The following PSMA8 variants were observed in gnomAD, a reference collection of about 807,000 sequenced individuals.
The protein encoded by PSMA8 is proteasome 20S subunit alpha 8, also known as proteasome subunit alpha-type 8.
A neutral mutation model predicts 32.4 loss-of-function variants in PSMA8; 18 were observed. That is an observed-to-expected ratio of 0.56 (90% confidence interval 0.38 to 0.82). The LOEUF is 0.82. Among genes scored for constraint, PSMA8 ranks in the 40% least tolerant of loss-of-function variants. PSMA8 has a pLI of 0.00. For missense variants in PSMA8, 298 were observed against 300.7 expected, an observed-to-expected ratio of 0.99 and a Z score of 0.07; for synonymous variants, 104 against 98.1, an observed-to-expected ratio of 1.06 and a Z score of -0.36.
chr18:26,154,676 C>A (rs1162002908), intron 3 of PSMA8, among the ~76,000 whole-genome samples: 1 of 152,104 alleles, frequency 6.6e-6, no homozygotes, highest in Admixed American at 6.6e-5. Context: ...TGCAGTGGTG[C>A]AATCTTCTTG....
chr18:26,151,263 G>A (rs2055043149), intron 2 of PSMA8, among the ~76,000 whole-genome samples: 2 of 152,142 alleles, frequency 1.3e-5, no homozygotes, highest in Non-Finnish European at 1.5e-5. Flanking sequence ...AAGAGAGGAG[G>A]GAAAGAAACA....
At chr18:26,149,869 C>T (rs1267763495) in intron 2 of PSMA8, among the ~76,000 whole-genome samples, 2 of 152,094 alleles carry the variant, frequency 1.3e-5, no homozygotes, top group Non-Finnish European at 2.9e-5. Flanking sequence ...GAAATGATTT[C>T]TTGAATATGA....
At chr18:26,157,987 G>A (rs772439381) in intron 3 of PSMA8, 135 bp from the exon 4 acceptor site, 29 of 614,700 alleles carry the variant, frequency 4.7e-5, no homozygotes, top group Non-Finnish European at 7.0e-5. Flanking sequence ...CTCCAGAAAG[G>A]GTTAGGAAAA....
At chr18:26,152,295 AC>A (rs1206933277) in intron 3 of PSMA8, among the ~76,000 whole-genome samples, 1 of 151,952 alleles carries the variant, frequency 6.6e-6, no homozygotes, top group Non-Finnish European at 1.5e-5. Flanking sequence ...CCAGAGAAGT[AC>A]CTTTTTTGTT....
At chr18:26,177,280 A>G (rs879652463) in intron 4 of PSMA8, among the ~76,000 whole-genome samples, 1 of 152,176 alleles carries the variant, frequency 6.6e-6, no homozygotes, top group Admixed American at 6.5e-5. Context: ...TGCTGCTGGC[A>G]TTTAGTTTGT....
chr18:26,188,949 C>T (rs1336963193), intron 6 of PSMA8, among the ~76,000 whole-genome samples: 2 of 152,122 alleles, frequency 1.3e-5, no homozygotes, highest in African/African-American at 4.8e-5. Flanking sequence ...TTGAGTAGTA[C>T]CCTACAAACA....
chr18:26,189,193 ATGTCTTCTTTTCTC>A, intron 6 of PSMA8, among the ~76,000 whole-genome samples: 1 of 152,296 alleles, frequency 6.6e-6, no homozygotes, highest in East Asian at 1.9e-4. Flanking sequence ...TTGAATTTGT[ATGTCTTCTTTTCTC>A]AAAAGAAGAC....
chr18:26,145,475 A>T (rs2054995270), intron 2 of PSMA8, among the ~76,000 whole-genome samples: 2 of 152,028 alleles, frequency 1.3e-5, no homozygotes, highest in African/African-American at 4.8e-5. Context: ...TCATCACCAC[A>T]CTCAAGATAC....
At chr18:26,179,950 A>T (rs1017883373) in intron 6 of PSMA8, among the ~76,000 whole-genome samples, 9 of 103,362 alleles carry the variant, frequency 8.7e-5, no homozygotes, top group Admixed American at 3.2e-4. Flanking sequence ...AATTAAATTA[A>T]AAAAAAAAAA....
chr18:26,138,668 A>G (rs2054931359), intron 1 of PSMA8, among the ~76,000 whole-genome samples: 1 of 152,218 alleles, frequency 6.6e-6, no homozygotes, highest in Admixed American at 6.5e-5. Flanking sequence ...GGATGAAATC[A>G]AGACTAGAAA....
chr18:26,146,992 A>G (rs1413718868), intron 2 of PSMA8, among the ~76,000 whole-genome samples: 4 of 152,046 alleles, frequency 2.6e-5, no homozygotes, highest in African/African-American at 4.8e-5. Context: ...AGCAGGAAGA[A>G]GAGAGAGAGA....
intron 4 of PSMA8, among the ~76,000 whole-genome samples, chr18:26,175,272 TA>T (rs1568067556): frequency 6.6e-6 from 1 of 152,296 alleles, no homozygotes; most frequent in East Asian, 1.9e-4. Flanking sequence ...TAGGGTCACA[TA>T]GCCTCATGGG....
At chr18:26,150,063 C>T (rs768463369) in intron 2 of PSMA8, among the ~76,000 whole-genome samples, 6 of 152,168 alleles carry the variant, frequency 3.9e-5, no homozygotes, top group Non-Finnish European at 5.9e-5. Flanking sequence ...AATTTTTGAG[C>T]ACCAACATGA....
In PSMA8 at chr18:26,151,956, A is replaced by G; in HGVS notation, c.328A>G (p.Thr110Ala). ...VEDPVTVEYI[T>A]RFIATLKQKY... ...GGACCCAGTCACTGTAGAATACATA[A>G]CTCGCTTCATAGCAACTTTAAAGCA... Residue 110 changes from threonine to alanine, a missense_variant, in exon 3 of 7, where the codon ACT becomes GCT. By Grantham distance (58) the Thr-to-Ala change is moderately conservative. Transcript: ENST00000415576. 1 of 1,604,190 alleles carries G rather than the reference A, an allele frequency of 6.2e-7. No homozygotes were observed. Among genetic ancestry groups the G allele is most frequent in the Non-Finnish European group, 8.5e-7 (1 of 1,177,158 alleles).
At chr18:26,174,877 G>A (rs2055251937) in intron 4 of PSMA8, among the ~76,000 whole-genome samples, 1 of 152,116 alleles carries the variant, frequency 6.6e-6, no homozygotes, top group Non-Finnish European at 1.5e-5. Flanking sequence ...TCTAGAAGCA[G>A]GTAAAATAGT....
intron 6 of PSMA8, among the ~76,000 whole-genome samples, chr18:26,186,726 A>G (rs2055358443): frequency 6.6e-6 from 1 of 152,370 alleles, no homozygotes; most frequent in East Asian, 1.9e-4. Flanking sequence ...GTAGACTTCT[A>G]CAACTTCAGT....
intron 2 of PSMA8, among the ~76,000 whole-genome samples, chr18:26,145,544 T>C (rs1479249390): frequency 2.0e-5 from 3 of 152,234 alleles, no homozygotes; most frequent in Non-Finnish European, 4.4e-5. Context: ...ATCTCTACTT[T>C]CTGGAAACTG....
chr18:26,152,015 T>C, intron 3 of PSMA8, 33 bp downstream of exon 3: 2 of 1,553,620 alleles, frequency 1.3e-6, no homozygotes. Context: ...TTTGTTAAGC[T>C]TTCTCCTTTT....
At chr18:26,149,487 A>T (rs963448987) in intron 2 of PSMA8, among the ~76,000 whole-genome samples, 6 of 152,268 alleles carry the variant, frequency 3.9e-5, no homozygotes, top group Non-Finnish European at 8.8e-5. Context: ...TTTGAAAGAG[A>T]AGAGCCAACT....
Sources: allele counts gnomAD v4.1 joint callset (sites outside exome capture counted in the v4.1 genomes callset), GRCh38; gene constraint gnomAD v4.1.1; transcripts MANE v1.5; gene names NCBI Gene and HGNC (gene_info 2026-07-23, HGNC 2026-07-21).